Variants in IL1RL1 observed in about 807,000 individuals in gnomAD.
The protein encoded by IL1RL1 is interleukin 1 receptor like 1.
In IL1RL1, 32 loss-of-function variants were observed where a neutral mutation model predicts 50.9. The observed-to-expected ratio is 0.63, with a 90% CI of 0.47 to 0.84. The LOEUF (loss-of-function observed/expected upper bound fraction) is 0.84. IL1RL1 is among the 40% of genes least tolerant of loss of function. IL1RL1 has a pLI of 0.00. For missense variants in IL1RL1, 773 were observed against 662.9 expected, an observed-to-expected ratio of 1.17 and a Z score of -1.82; for synonymous variants, 275 against 236.0, an observed-to-expected ratio of 1.17 and a Z score of -1.51.
chr2:102,333,215 G>T (rs1677222368), intron 1 of IL1RL1, among the ~76,000 whole-genome samples: 1 of 152,166 alleles, frequency 6.6e-6, no homozygotes. Context: ...ACAAGTGGAA[G>T]CAGGGATAGC....
chr2:102,323,554 G>A lies in IL1RL1; in HGVS notation c.-150+11931G>A, dbSNP rs10174243. Among the ~76,000 whole-genome samples the A allele has an allele frequency of 5.5e-3, 831 of 152,106 alleles. 17 individuals carry two copies. Among genetic ancestry groups the A allele is most frequent in the African/African-American group, 0.019 (798 of 41,458 alleles). On this transcript the variant is annotated intron_variant, in intron 1 of 10. Coordinates refer to ENST00000233954, the MANE Select transcript of IL1RL1 (RefSeq NM_016232.5). ...TCCTGGTGGAAGGTTAAGGGGAGGT[G>A]GCTTGTGCAGAGATCACATGGGAGA...
chr2:102,311,865 AATATATAT>A (rs1676487963), intron 1 of IL1RL1, among the ~76,000 whole-genome samples: 1 of 71,638 alleles, frequency 1.4e-5, no homozygotes. Flanking sequence ...ATAATTATAT[AATATATAT>A]TATATAATAT....
intron 4 of IL1RL1, 61 bp from the exon 5 acceptor site, chr2:102,340,605 C>G (rs949105366): frequency 1.3e-6 from 2 of 1,524,328 alleles, no homozygotes; most frequent in Non-Finnish European, 1.8e-6. Context: ...AACATTCTGT[C>G]AACAGATAAA....
chr2:102,343,216 C>A (rs1451778337), intron 7 of IL1RL1, 39 bp downstream of exon 7: 2 of 1,613,770 alleles, frequency 1.2e-6, no homozygotes, highest in South Asian at 1.1e-5. Context: ...CTTCCCCTTG[C>A]ACATGGTTTG....
chr2:102,312,063 CATT>C (rs1317654426), intron 1 of IL1RL1, among the ~76,000 whole-genome samples: 2 of 67,250 alleles, frequency 3.0e-5, no homozygotes, highest in East Asian at 3.4e-4. Flanking sequence ...ATATATATAA[CATT>C]ATTGTTATAA....
rs1346022207 is a variant in IL1RL1, at chr2:102,340,750, G to A, written c.532G>A (p.Asp178Asn). ...IDNVMTEDAG[D>N]YTCKFIHNEN... ...TAATGTGATGACTGAGGACGCAGGT[G>A]ATTACACCTGTAAATTTATACACAA... The change falls in exon 5 of 11, where the codon GAT becomes AAT. Residue 178 changes from aspartate (D) to asparagine (N), a missense_variant. By Grantham distance (23) the Asp-to-Asn change is conservative (BLOSUM62 1). Transcript: ENST00000233954. 6.3e-7 allele frequency: 1 copy of A among 1,597,830 alleles called. No individual in the cohort carries two copies. Among genetic ancestry groups the A allele is most frequent in the Non-Finnish European group, 8.5e-7 (1 of 1,175,214 alleles).
intron 8 of IL1RL1, chr2:102,343,875 A>G (rs1181898048): frequency 1.0e-6 from 1 of 999,576 alleles, no homozygotes; most frequent in Non-Finnish European, 1.2e-6. Context: ...TAAAGTGAAC[A>G]AAAAGGGGAA....
intron 2 of IL1RL1, among the ~76,000 whole-genome samples, chr2:102,338,614 A>G (rs1677420321): frequency 6.6e-6 from 1 of 152,186 alleles, no homozygotes; most frequent in Non-Finnish European, 1.5e-5. Flanking sequence ...GTTTGTTTAG[A>G]TAGATAAGGC....
chr2:102,346,103 G>T (rs1437124035), intron 8 of IL1RL1: 4 of 946,446 alleles, frequency 4.2e-6, no homozygotes, highest in Admixed American at 1.2e-4. Flanking sequence ...TACTGCTATT[G>T]AGTTGTCATG....
intron 1 of IL1RL1, among the ~76,000 whole-genome samples, chr2:102,316,793 A>G (rs1217855658): frequency 6.6e-6 from 1 of 152,204 alleles, no homozygotes; most frequent in Non-Finnish European, 1.5e-5. Flanking sequence ...AAAATATTAT[A>G]TTCCAAAAAG....
intron 1 of IL1RL1, among the ~76,000 whole-genome samples, chr2:102,330,423 T>C (rs1391701597): frequency 2.0e-5 from 3 of 152,156 alleles, no homozygotes; most frequent in Admixed American, 2.0e-4. Flanking sequence ...TACACAAACA[T>C]GGCACATGTA....
chr2:102,338,818 T>C lies in IL1RL1; in HGVS notation c.62-19T>C. On this transcript the variant is annotated intron_variant, in intron 2 of 10. Transcript: ENST00000233954. Reference sequence around the variant, plus strand: ...TCATTTGATCATTTCAGGATTGTCTTTATATCTTTTATTTGCAGGTAAACA... The same window carrying C: ...TCATTTGATCATTTCAGGATTGTCTCTATATCTTTTATTTGCAGGTAAACA... The C allele has an allele frequency of 6.5e-7, 1 of 1,545,664 alleles. No homozygotes were observed. The highest frequency in any genetic ancestry group is 2.2e-5 in the East Asian group (1 of 44,590).
chr2:102,347,845 T>C (rs767804823), intron 8 of IL1RL1, 100 bp from the exon 9 acceptor site: 4 of 675,006 alleles, frequency 5.9e-6, no homozygotes, highest in African/African-American at 1.8e-5. Context: ...GTATATCTTA[T>C]GTGAAATTCT....
intron 2 of IL1RL1, 34 bp from the exon 3 acceptor site, chr2:102,338,803 A>T: frequency 6.8e-7 from 1 of 1,461,538 alleles, no homozygotes; most frequent in Non-Finnish European, 9.5e-7. Context: ...TCATTTGATC[A>T]TTTCAGGATT....
intron 1 of IL1RL1, among the ~76,000 whole-genome samples, chr2:102,311,886 TA>T (rs1676490915): frequency 2.9e-5 from 1 of 34,482 alleles, no homozygotes. Flanking sequence ...TATAATATAA[TA>T]TATAATATAT....
chr2:102,323,275 T>TATATATATATATATATATA lies in IL1RL1; in HGVS notation c.-150+11652_-150+11653insATATATATATATATATATA, dbSNP rs1559596435. 3.3e-3 allele frequency among the ~76,000 whole-genome samples: 94 copies of TATATATATATATATATATA among 28,618 alleles called. 1 individual carries two copies. Among genetic ancestry groups the TATATATATATATATATATA allele is most frequent in the African/African-American group, 0.011 (90 of 8,002 alleles). The allele number at this position is 28,618 out of a possible 152,430, so 18.8% of individuals were successfully genotyped here. The stretch of plus-strand genomic sequence containing the variant: ...TATATATATATATATATATATATAG[T>TATATATATATATATATATA]GTGTGTGTGTGTGTGTGTGTATATA... On this transcript the variant is annotated intron_variant, in intron 1 of 10. Transcript: ENST00000233954.
At position 102,338,141 on chromosome 2, in the gene IL1RL1, C is replaced by T. The variant is rs1448512496; in HGVS notation, c.-124C>T. The T allele has an allele frequency of 1.8e-6, 1 of 561,732 alleles. No homozygotes were observed. The highest frequency in any genetic ancestry group is 2.8e-5 in the Admixed American group (1 of 35,660). 34.8% of individuals were successfully genotyped at this position (561,732 alleles called of 1,614,324 possible). On this transcript the variant is annotated 5_prime_UTR_variant, in exon 2 of 11. Transcript: ENST00000233954. ...TTGAGATATAGGCTACTCTTCCCAA[C>T]TCAGTCTTGAAGAGTATCACCAACT...
At chr2:102,352,069 C>T, downstream of IL1RL1, 1 of 821,098 alleles carries the variant, frequency 1.2e-6, no homozygotes, top group Non-Finnish European at 1.8e-6. Flanking sequence ...CTTCCATTTC[C>T]CTGCTTCTGG....
intron 1 of IL1RL1, among the ~76,000 whole-genome samples, chr2:102,314,357 G>A (rs1483285259): frequency 6.6e-6 from 1 of 152,242 alleles, no homozygotes; most frequent in Non-Finnish European, 1.5e-5. Flanking sequence ...ATGGACATAT[G>A]TGTGGCTGGG....
Sources: gnomAD v4.1 joint callset for allele counts (sites outside exome capture counted in the v4.1 genomes callset) on GRCh38, gnomAD v4.1.1 for gene constraint, MANE v1.5 for transcripts, NCBI Gene and HGNC (gene_info 2026-07-23, HGNC 2026-07-21) for gene names.